The following SH2D4A variants were observed in gnomAD, a reference collection of about 807,000 sequenced individuals.
SH2D4A encodes SH2 domain-containing protein 4A.
In SH2D4A, 70 loss-of-function variants were observed where a neutral mutation model predicts 64.7. The ratio of observed to expected loss-of-function variants is 1.08; its 90% CI spans 0.89 to 1.32. SH2D4A has a LOEUF of 1.32. SH2D4A is among the 40% of genes most tolerant of loss of function. The pLI, the probability that SH2D4A is intolerant of heterozygous loss-of-function variation, is 0.00. For missense variants in SH2D4A, 706 were observed against 540.1 expected, an observed-to-expected ratio of 1.31 and a Z score of -3.04; for synonymous variants, 268 against 200.7, an observed-to-expected ratio of 1.34 and a Z score of -2.83.
chr8:19,324,791 C>T lies in SH2D4A; in HGVS notation c.181+5063C>T, dbSNP rs957026380. ...TTAGAGCTAGGAAAATGCACAGAGACACCATTCTGTGTATAATCTCACAAT... is the reference window on the plus strand; with the variant it reads ...TTAGAGCTAGGAAAATGCACAGAGATACCATTCTGTGTATAATCTCACAAT... On this transcript the variant is annotated intron_variant, in intron 2 of 9. Coordinates refer to ENST00000265807, the MANE Select transcript of SH2D4A (RefSeq NM_022071.4). 3.3e-5 allele frequency among the ~76,000 whole-genome samples: 5 copies of T among 152,138 alleles called. No homozygotes were observed. In the East Asian group the frequency reaches 9.6e-4, roughly 29 times the overall value.
intron 4 of SH2D4A, among the ~76,000 whole-genome samples, chr8:19,335,147 G>C (rs1470875074): frequency 3.3e-5 from 5 of 152,078 alleles, no homozygotes; most frequent in Admixed American, 3.3e-4. Context: ...AATTAGCTGG[G>C]CGTGGTGGCG....
At chr8:19,363,515 C>T (rs967415606) in intron 6 of SH2D4A, among the ~76,000 whole-genome samples, 2 of 152,094 alleles carry the variant, frequency 1.3e-5, no homozygotes, top group African/African-American at 4.8e-5. Flanking sequence ...TTTTTGTGTA[C>T]TAATGTGTCC....
chr8:19,315,552 C>T (rs2052073746), intron 1 of SH2D4A, among the ~76,000 whole-genome samples: 1 of 152,172 alleles, frequency 6.6e-6, no homozygotes, highest in Non-Finnish European at 1.5e-5. Flanking sequence ...GAGAATCAGG[C>T]CAAATCTATG....
In SH2D4A at chr8:19,317,641, C is replaced by T. The variant is rs146875578; in HGVS notation, c.-204-1703C>T. On this transcript the variant is annotated intron_variant, in intron 1 of 9. Coordinates refer to ENST00000265807, the MANE Select transcript of SH2D4A (RefSeq NM_022071.4). ...GTGTAAATCAAGGAACTACTTTGCA[C>T]GGAAGAGGAGGAAGACGGGAAGCTG... 1.8e-4 allele frequency among the ~76,000 whole-genome samples: 27 copies of T among 152,138 alleles called. No individual in the cohort carries two copies. The East Asian group carries it at 3.1e-3, about 17-fold the overall frequency.
At chr8:19,362,149 T>A (rs1462458507) in intron 6 of SH2D4A, among the ~76,000 whole-genome samples, 1 of 152,194 alleles carries the variant, frequency 6.6e-6, no homozygotes, top group Non-Finnish European at 1.5e-5. Context: ...GATCCTACAT[T>A]GATCTGCAGT....
Position 19,334,755 on chromosome 8 carries a change from G to A in SH2D4A, c.411G>A (p.Pro137=), listed in dbSNP as rs750859010. ...CACAGTACCATGATCTGCAGGCTCCGGATAACCAGCAGACTAAAGACATCT... is the reference window on the plus strand; with the variant it reads ...CACAGTACCATGATCTGCAGGCTCCAGATAACCAGCAGACTAAAGACATCT... ...TKSQYHDLQA[P]DNQQTKDIWK... Residue 137 remains proline (P), a synonymous_variant, in exon 4 of 10, where the codon CCG becomes CCA. Coordinates refer to ENST00000265807, the MANE Select transcript of SH2D4A (RefSeq NM_022071.4). The A allele has an allele frequency of 4.0e-5, 64 of 1,614,048 alleles. No homozygotes were observed. Among genetic ancestry groups the A allele is most frequent in the Non-Finnish European group, 4.9e-5 (58 of 1,180,004 alleles).
At chr8:19,351,475 C>A (rs976918557) in intron 4 of SH2D4A, among the ~76,000 whole-genome samples, 1 of 151,906 alleles carries the variant, frequency 6.6e-6, no homozygotes, top group Non-Finnish European at 1.5e-5. Context: ...TGCTGGCAGG[C>A]GCCTGTAGTC....
At chr8:19,373,290 G>A (rs1030562245) in intron 7 of SH2D4A, among the ~76,000 whole-genome samples, 3 of 148,082 alleles carry the variant, frequency 2.0e-5, no homozygotes, top group African/African-American at 5.3e-5. Flanking sequence ...CTGGAAATGT[G>A]TATAATTCCC....
chr8:19,324,198 A>C (rs2052236889), intron 2 of SH2D4A, among the ~76,000 whole-genome samples: 1 of 152,192 alleles, frequency 6.6e-6, no homozygotes, highest in Non-Finnish European at 1.5e-5. Context: ...GCCTTCGCTT[A>C]GCAGCGTGTT....
chr8:19,323,031 A>G (rs1221304666), intron 2 of SH2D4A, among the ~76,000 whole-genome samples: 1 of 152,122 alleles, frequency 6.6e-6, no homozygotes, highest in African/African-American at 2.4e-5. Flanking sequence ...AACTATCAGC[A>G]TGTGAATTTA....
At chr8:19,336,311 A>G (rs2052445208) in intron 4 of SH2D4A, among the ~76,000 whole-genome samples, 1 of 152,170 alleles carries the variant, frequency 6.6e-6, no homozygotes, top group African/African-American at 2.4e-5. Context: ...AGGGCTATGA[A>G]GAAGCTTTTT....
At chr8:19,346,738 A>T (rs1268167051) in intron 4 of SH2D4A, among the ~76,000 whole-genome samples, 1 of 152,174 alleles carries the variant, frequency 6.6e-6, no homozygotes, top group Non-Finnish European at 1.5e-5. Flanking sequence ...AAGGAAGCCG[A>T]TAAAATGTAT....
intron 7 of SH2D4A, among the ~76,000 whole-genome samples, chr8:19,367,341 A>T (rs1719597497): frequency 6.6e-6 from 1 of 152,074 alleles, no homozygotes; most frequent in African/African-American, 2.4e-5. Flanking sequence ...CTATAATGGT[A>T]TACTAATTTA....
At chr8:19,390,757 T>C (rs1007754489) in intron 8 of SH2D4A, among the ~76,000 whole-genome samples, 9 of 152,114 alleles carry the variant, frequency 5.9e-5, no homozygotes, top group Admixed American at 1.3e-4. Flanking sequence ...ATCAACATGA[T>C]TGATTGGGTC....
At position 19,314,075 on chromosome 8, in the gene SH2D4A, G is replaced by C. The variant is rs867586936; in HGVS notation, c.-205+252G>C. 3.3e-5 allele frequency: 39 copies of C among 1,198,526 alleles called. No individual in the cohort carries two copies. In the African/African-American group the frequency reaches 5.9e-4, roughly 18 times the overall value. 74.2% of individuals were successfully genotyped at this position (1,198,526 alleles called of 1,614,324 possible). On this transcript the variant is annotated intron_variant, in intron 1 of 9. Transcript: ENST00000265807. ...CGGTGTCCGGTGTCTGGAGCCGCTG[G>C]CTAGGTGAGCGGCGGTCCCCGGGGC...
At position 19,319,770 on chromosome 8, in the gene SH2D4A, C is replaced by G. The variant is rs556422508; in HGVS notation, c.181+42C>G. The G allele has an allele frequency of 9.3e-5, 140 of 1,500,324 alleles. 2 individuals are homozygous for G. In the South Asian group the frequency reaches 1.7e-3, roughly 19 times the overall value. The allele number at this position is 1,500,324 out of a possible 1,614,324, so 92.9% of individuals were successfully genotyped here. A position where few individuals can be genotyped will look rare whatever the true frequency, so the allele number is the denominator to read the frequency against. The stretch of plus-strand genomic sequence containing the variant: ...TTCTTCTGTGGATGTGTTGGTAGAA[C>G]AGCTCCTGGCTTGCTTTGACAATTT... On this transcript the variant is annotated intron_variant, in intron 2 of 9. Transcript: ENST00000265807.
At chr8:19,389,344 G>A (rs915327180) in intron 8 of SH2D4A, among the ~76,000 whole-genome samples, 2 of 152,150 alleles carry the variant, frequency 1.3e-5, no homozygotes, top group East Asian at 1.9e-4. Flanking sequence ...TTAGAGCTAC[G>A]CTGTCCAGTT....
At chr8:19,338,805 G>A (rs2052483107) in intron 4 of SH2D4A, among the ~76,000 whole-genome samples, 1 of 152,242 alleles carries the variant, frequency 6.6e-6, no homozygotes, top group Admixed American at 6.5e-5. Flanking sequence ...TGTTACAGCA[G>A]CAGTGGAAAA....
At position 19,334,690 on chromosome 8, in the gene SH2D4A, A is replaced by T. The variant is rs769549811; in HGVS notation, c.346A>T (p.Thr116Ser). The T allele has an allele frequency of 1.3e-6, 2 of 1,591,916 alleles. No individual in the cohort carries two copies. Among genetic ancestry groups the T allele is most frequent in the South Asian group, 2.3e-5 (2 of 86,736 alleles). The change falls in exon 4 of 10, where the codon ACT (threonine) becomes TCT (serine). Residue 116 changes from threonine to serine, a missense_variant. Physicochemically the swap from Thr to Ser is moderately conservative, Grantham distance 58 (BLOSUM62 1). Transcript: ENST00000265807. The stretch of plus-strand genomic sequence containing the variant: ...TTCACTTTTGCCTCTCTTCAGAAAA[A>T]CTCACTCTGAAGAATTCACCAATAG... ...AEQEAEEPRK[T>S]HSEEFTNSLK...
Sources: allele counts gnomAD v4.1 joint callset (sites outside exome capture counted in the v4.1 genomes callset), GRCh38; gene constraint gnomAD v4.1.1; transcripts MANE v1.5; gene names NCBI Gene and HGNC (gene_info 2026-07-23, HGNC 2026-07-21).